The following GREB1 variants were observed in gnomAD, a reference collection of about 807,000 sequenced individuals.
The protein encoded by GREB1 is growth regulating estrogen receptor binding 1.
GREB1 carries 106 observed loss-of-function variants against 200.7 expected under a neutral mutation model. The observed-to-expected ratio is 0.53, with a 90% CI of 0.45 to 0.62. GREB1 has a LOEUF of 0.62. Ranked by LOEUF, GREB1 falls within the 20% of genes least tolerant of loss-of-function variation. The pLI is 0.00. For missense variants in GREB1, 2,243 were observed against 2,556.8 expected (o/e 0.88, Z 2.65); for synonymous variants, 1,132 against 1,092.4 (o/e 1.04, Z -0.72).
At chr2:11,506,544 A>G (rs536020184) in intron 1 of GREB1, among the ~76,000 whole-genome samples, 62 of 152,170 alleles carry the variant, frequency 4.1e-4, no homozygotes, top group Admixed American at 9.8e-4. Flanking sequence ...TAGTTGGTGT[A>G]TTTATTATTT....
rs1685121582 is a variant in GREB1, at chr2:11,634,192, G to GC, written c.5058dup (p.Asp1687ArgfsTer55). 2 of 1,614,216 alleles carry GC rather than the reference G, an allele frequency of 1.2e-6. No individual in the cohort carries two copies. Among genetic ancestry groups the GC allele is most frequent in the Non-Finnish European group, 1.7e-6 (2 of 1,180,018 alleles). On this transcript the variant is annotated frameshift_variant, in exon 29 of 33. Transcript: ENST00000381486. LOFTEE classifies it high-confidence loss of function. ...GCACATCATGCAGCACATCGAGGCG[G>GC]CCCCCGACATCATGCACTACGCCCT... is the stretch of plus-strand genomic sequence containing the variant.
At chr2:11,505,130 C>T (rs1422375051) in intron 1 of GREB1, among the ~76,000 whole-genome samples, 2 of 152,046 alleles carry the variant, frequency 1.3e-5, no homozygotes, top group Admixed American at 6.6e-5. Context: ...CGGGGTTTCA[C>T]CATGTTGGCC....
chr2:11,537,689 A>G (rs184090958), intron 1 of GREB1, among the ~76,000 whole-genome samples: 2 of 147,550 alleles, frequency 1.4e-5, no homozygotes, highest in African/African-American at 4.9e-5. Context: ...ATTATATATT[A>G]CATAAATATC....
At chr2:11,631,659 C>T (rs1684885844) in intron 26 of GREB1, among the ~76,000 whole-genome samples, 1 of 152,172 alleles carries the variant, frequency 6.6e-6, no homozygotes, top group African/African-American at 2.4e-5. Flanking sequence ...AGCAGGCTAG[C>T]CCGGGCTTGT....
intron 1 of GREB1, among the ~76,000 whole-genome samples, chr2:11,552,375 G>A (rs1301573059): frequency 4.6e-5 from 7 of 152,212 alleles, no homozygotes; most frequent in African/African-American, 1.4e-4. Context: ...GACAGAGAAC[G>A]AGTGGTCAGG....
chr2:11,490,873 T>C (rs1281512101), intron 1 of GREB1, among the ~76,000 whole-genome samples: 1 of 152,162 alleles, frequency 6.6e-6, no homozygotes, highest in African/African-American at 2.4e-5. Context: ...TTAATTCTCT[T>C]GGGTACGTAC....
intron 19 of GREB1, among the ~76,000 whole-genome samples, chr2:11,613,967 G>A (rs6736851): frequency 1.3e-5 from 2 of 152,260 alleles, no homozygotes; most frequent in East Asian, 3.9e-4. Context: ...TGAGCACGGG[G>A]TTGGCCTTTC....
chr2:11,567,739 A>G (rs1394564784), intron 4 of GREB1, among the ~76,000 whole-genome samples: 1 of 152,136 alleles, frequency 6.6e-6, no homozygotes, highest in Non-Finnish European at 1.5e-5. Flanking sequence ...ATATGATGTA[A>G]TTGAGTTCTT....
At chr2:11,557,191 A>G (rs932187243) in intron 2 of GREB1, among the ~76,000 whole-genome samples, 1 of 150,380 alleles carries the variant, frequency 6.6e-6, no homozygotes, top group Admixed American at 6.6e-5. Context: ...AGAAACTTTT[A>G]AAAACCAAAA....
chr2:11,635,171 G>T (rs113312735), intron 29 of GREB1, 99 bp from the exon 30 acceptor site: 1 of 1,268,598 alleles, frequency 7.9e-7, no homozygotes, highest in Non-Finnish European at 1.1e-6. Flanking sequence ...CACCTTCATA[G>T]CCCCCTACGA....
chr2:11,623,118 C>T (rs139336755), intron 23 of GREB1, among the ~76,000 whole-genome samples: 21 of 152,308 alleles, frequency 1.4e-4, no homozygotes, highest in East Asian at 5.8e-4. Flanking sequence ...GCATCTGTGA[C>T]GTTGGTCCCA....
intron 1 of GREB1, among the ~76,000 whole-genome samples, chr2:11,491,937 A>G (rs757104388): frequency 1.3e-5 from 2 of 152,194 alleles, no homozygotes; most frequent in African/African-American, 4.8e-5. Context: ...GCTCTAATCC[A>G]CTATGTATGT....
intron 1 of GREB1, among the ~76,000 whole-genome samples, chr2:11,526,091 A>G (rs769217517): frequency 1.7e-4 from 26 of 152,224 alleles, no homozygotes; most frequent in Non-Finnish European, 3.4e-4. Flanking sequence ...GTTCTAGTGC[A>G]AGAAAAATCC....
In GREB1 at chr2:11,556,502, G is replaced by T; in HGVS notation, c.-113G>T. 3.7e-6 allele frequency: 3 copies of T among 813,298 alleles called. No homozygotes were observed. The highest frequency in any genetic ancestry group is 5.8e-6 in the Non-Finnish European group (3 of 513,314). 50.4% of individuals were successfully genotyped at this position (813,298 alleles called of 1,614,324 possible). ...CCTTTCTTCGTCTCTGCTGAGCGAA[G>T]GCTACACGGCCCTTCCTCCTTGCAG... On this transcript the variant is annotated 5_prime_UTR_variant, in exon 2 of 33. The change creates a new upstream start codon in the 5' untranslated region. Transcript: ENST00000381486.
rs887499721 is a variant in GREB1, at chr2:11,599,497, G to A, written c.2333+637G>A. 1.8e-3 allele frequency among the ~76,000 whole-genome samples: 254 copies of A among 144,652 alleles called. 2 individuals are homozygous for A. Among genetic ancestry groups the A allele is most frequent in the Non-Finnish European group, 4.4e-4 (29 of 66,536 alleles). 94.9% of individuals were successfully genotyped at this position (144,652 alleles called of 152,430 possible). ...TGGGACTACAGGCACCTGTCTCCAC[G>A]CCCAGCTAATTTCGTTTTTGTATTT... On this transcript the variant is annotated intron_variant, in intron 15 of 32. Coordinates refer to ENST00000381486, the MANE Select transcript of GREB1 (RefSeq NM_014668.4).
chr2:11,573,854 C>T (rs896622358), intron 4 of GREB1, among the ~76,000 whole-genome samples: 40 of 152,220 alleles, frequency 2.6e-4, no homozygotes, highest in Non-Finnish European at 2.4e-4. Flanking sequence ...GTCCCCAGCC[C>T]GTGTTTCTTA....
intron 1 of GREB1, among the ~76,000 whole-genome samples, chr2:11,553,840 C>G (rs1342967269): frequency 6.6e-6 from 1 of 152,132 alleles, no homozygotes; most frequent in Non-Finnish European, 1.5e-5. Flanking sequence ...TGAACAGGAC[C>G]TTGGGCAGGG....
chr2:11,527,258 A>G (rs921567441), intron 1 of GREB1, among the ~76,000 whole-genome samples: 2 of 152,202 alleles, frequency 1.3e-5, no homozygotes, highest in African/African-American at 4.8e-5. Context: ...GATAAGTGCT[A>G]CTAGTCATAT....
chr2:11,567,977 C>G (rs1677857989), intron 4 of GREB1, among the ~76,000 whole-genome samples: 1 of 152,202 alleles, frequency 6.6e-6, no homozygotes, highest in Non-Finnish European at 1.5e-5. Context: ...GACTGTGGGT[C>G]CGGCCCCTCC....
Sources: gnomAD v4.1 joint callset for allele counts (sites outside exome capture counted in the v4.1 genomes callset) on GRCh38, gnomAD v4.1.1 for gene constraint, MANE v1.5 for transcripts, NCBI Gene and HGNC (gene_info 2026-07-23, HGNC 2026-07-21) for gene names.